The following CLSTN2 variants were observed in gnomAD, a reference collection of about 807,000 sequenced individuals.
The protein encoded by CLSTN2 is calsyntenin-2.
CLSTN2 carries 48 observed loss-of-function variants against 101.2 expected under a neutral mutation model. The ratio of observed to expected loss-of-function variants is 0.47; its 90% confidence interval spans 0.38 to 0.60. The LOEUF (loss-of-function observed/expected upper bound fraction) is 0.60. Ranked by LOEUF, CLSTN2 falls within the 20% of genes least tolerant of loss-of-function variation. The pLI is 0.00. For synonymous variants in CLSTN2, 481 were observed against 463.6 expected, an observed-to-expected ratio of 1.04 and a Z score of -0.48; for missense variants, 1,160 against 1,238.2, an observed-to-expected ratio of 0.94 and a Z score of 0.95.
intron 8 of CLSTN2, among the ~76,000 whole-genome samples, chr3:140,498,010 T>G (rs1443080145): frequency 6.6e-6 from 1 of 152,214 alleles, no homozygotes; most frequent in East Asian, 1.9e-4. Flanking sequence ...TGGTCGAGTC[T>G]TCCACATATT....
intron 1 of CLSTN2, among the ~76,000 whole-genome samples, chr3:140,080,440 C>A (rs2008576866): frequency 1.3e-5 from 2 of 152,144 alleles, no homozygotes; most frequent in African/African-American, 2.4e-5. Context: ...ATCTAGGTGT[C>A]CAGCTCCTAG....
intron 1 of CLSTN2, among the ~76,000 whole-genome samples, chr3:139,974,437 T>C (rs1935774996): frequency 6.6e-6 from 1 of 152,148 alleles, no homozygotes; most frequent in African/African-American, 2.4e-5. Context: ...AGGGGAGTGA[T>C]ATACCAGGGC....
At chr3:140,034,010 A>C (rs991105028) in intron 1 of CLSTN2, among the ~76,000 whole-genome samples, 5 of 152,230 alleles carry the variant, frequency 3.3e-5, no homozygotes, top group African/African-American at 9.6e-5. Context: ...GTACATTTTC[A>C]ATTAATGTTG....
At chr3:140,189,743 A>G (rs989271416) in intron 2 of CLSTN2, among the ~76,000 whole-genome samples, 1 of 151,846 alleles carries the variant, frequency 6.6e-6, no homozygotes, top group Admixed American at 6.6e-5. Context: ...TTAGGTTGAG[A>G]CTCCTTTATT....
At chr3:140,150,647 G>A (rs2107813828) in intron 1 of CLSTN2, among the ~76,000 whole-genome samples, 1 of 152,254 alleles carries the variant, frequency 6.6e-6, no homozygotes, top group South Asian at 2.1e-4. Context: ...AGACAACCGG[G>A]AAAGGGCCAT....
intron 2 of CLSTN2, among the ~76,000 whole-genome samples, chr3:140,279,699 CTG>C (rs546105342): frequency 4.1e-4 from 63 of 152,310 alleles, no homozygotes; most frequent in Non-Finnish European, 8.7e-4. Flanking sequence ...TTCTATGTCT[CTG>C]TGTCCCTGGC....
At chr3:140,363,605 C>T (rs936861605) in intron 2 of CLSTN2, among the ~76,000 whole-genome samples, 4 of 59,998 alleles carry the variant, frequency 6.7e-5, no homozygotes, top group African/African-American at 1.6e-4. Context: ...CAGAGGGACC[C>T]GGTAGGCACT....
chr3:140,200,808 C>A (rs112046038), intron 2 of CLSTN2, among the ~76,000 whole-genome samples: 3 of 152,176 alleles, frequency 2.0e-5, no homozygotes, highest in South Asian at 2.1e-4. Context: ...TCCCCTCCCC[C>A]ACCTGCCTCC....
At chr3:140,175,826 A>G in intron 1 of CLSTN2, 125 bp from the exon 2 acceptor site, 1 of 945,922 alleles carries the variant, frequency 1.1e-6, no homozygotes, top group Non-Finnish European at 1.5e-6. Context: ...AACATGTTCC[A>G]TGTCTCTCAT....
chr3:140,346,872 A>G (rs2087552324), intron 2 of CLSTN2, among the ~76,000 whole-genome samples: 1 of 152,036 alleles, frequency 6.6e-6, no homozygotes, highest in African/African-American at 2.4e-5. Flanking sequence ...TAATATTGGG[A>G]ACTTGCATCT....
At position 140,393,658 on chromosome 3, in the gene CLSTN2, T is replaced by C. The variant is rs75161365; in HGVS notation, c.233-9971T>C. ...GTCTATTATTTTCCTAAAGGACAAG[T>C]AAGAGTTAACCAAGGTAGGATCTAG... On this transcript the variant is annotated intron_variant, in intron 2 of 16. Transcript: ENST00000458420. Among the ~76,000 whole-genome samples the C allele has an allele frequency of 6.7e-3, 1,021 of 152,218 alleles. 8 individuals carry two copies. Among genetic ancestry groups the C allele is most frequent in the Middle Eastern group, 0.024 (7 of 294 alleles).
chr3:140,104,691 A>G (rs1490195833), intron 1 of CLSTN2, among the ~76,000 whole-genome samples: 1 of 152,258 alleles, frequency 6.6e-6, no homozygotes, highest in African/African-American at 2.4e-5. Context: ...TTAAAAGGCA[A>G]GATTAGATAT....
intron 2 of CLSTN2, among the ~76,000 whole-genome samples, chr3:140,247,090 T>C (rs975105004): frequency 2.0e-5 from 3 of 152,066 alleles, no homozygotes; most frequent in Non-Finnish European, 4.4e-5. Flanking sequence ...ATGAACACCA[T>C]TGAGAGATGG....
chr3:140,185,579 T>C (rs1380920440), intron 2 of CLSTN2, among the ~76,000 whole-genome samples: 1 of 152,166 alleles, frequency 6.6e-6, no homozygotes, highest in Admixed American at 6.5e-5. Context: ...GGTGGGCACC[T>C]GACCCAAGCT....
chr3:140,515,033 T>C (rs1934889788), intron 8 of CLSTN2, among the ~76,000 whole-genome samples: 1 of 152,186 alleles, frequency 6.6e-6, no homozygotes, highest in South Asian at 2.1e-4. Flanking sequence ...ATTATTTTTA[T>C]GACCATTTCA....
intron 1 of CLSTN2, among the ~76,000 whole-genome samples, chr3:139,961,653 G>A (rs1935513657): frequency 6.6e-6 from 1 of 152,024 alleles, no homozygotes; most frequent in African/African-American, 2.4e-5. Flanking sequence ...AATGCAATCT[G>A]TTTTTTTATA....
At position 140,558,677 on chromosome 3, in the gene CLSTN2, G is replaced by A. The variant is rs934456247; in HGVS notation, c.1861G>A (p.Val621Ile). 2 of 1,614,028 alleles carry A rather than the reference G, an allele frequency of 1.2e-6. No individual in the cohort carries two copies. The highest frequency in any genetic ancestry group is 1.7e-6 in the Non-Finnish European group (2 of 1,179,992). The change falls in exon 12 of 17, where the codon GTA (valine) becomes ATA (isoleucine). Residue 621 changes from valine (V) to isoleucine (I), a missense_variant. By Grantham distance (29) the Val-to-Ile change is conservative. Coordinates refer to ENST00000458420, the MANE Select transcript of CLSTN2 (RefSeq NM_022131.3). ...AGACGTATGCATCAGTATCCCTGAG[G>A]TAGATGCCTATGTGATGGTCCTCCA... The part of the protein sequence containing the change: ...GEDVCISIPE[V>I]DAYVMVLQAI...
At chr3:140,199,656 C>T (rs1308609642) in intron 2 of CLSTN2, among the ~76,000 whole-genome samples, 1 of 152,164 alleles carries the variant, frequency 6.6e-6, no homozygotes, top group Non-Finnish European at 1.5e-5. Context: ...CTTTCTACCC[C>T]AGATTTTCCA....
intron 1 of CLSTN2, among the ~76,000 whole-genome samples, chr3:140,084,858 G>A (rs537353827): frequency 3.0e-4 from 45 of 152,318 alleles, no homozygotes; most frequent in South Asian, 2.7e-3. Flanking sequence ...ACCCTCCTGA[G>A]GAAGTCTACT....
Sources: gnomAD v4.1 joint callset for allele counts (sites outside exome capture counted in the v4.1 genomes callset) on GRCh38, gnomAD v4.1.1 for gene constraint, MANE v1.5 for transcripts, NCBI Gene and HGNC (gene_info 2026-07-23, HGNC 2026-07-21) for gene names.